The following HMCN2 variants were observed in gnomAD, a reference collection of about 807,000 sequenced individuals.
HMCN2 encodes the protein hemicentin 2.
A neutral mutation model predicts 377.5 loss-of-function variants in HMCN2; 325 were observed. The observed-to-expected ratio is 0.86, with a 90% CI of 0.79 to 0.94. HMCN2 has a LOEUF of 0.94. Among genes scored for constraint, HMCN2 ranks in the 40% least tolerant of loss-of-function variants. The pLI, the probability that HMCN2 is intolerant of heterozygous loss-of-function variation, is 0.00. For missense variants in HMCN2, 4,543 were observed against 4,725.3 expected, an observed-to-expected ratio of 0.96 and a Z score of 1.13; for synonymous variants, 2,007 against 2,046.8, an observed-to-expected ratio of 0.98 and a Z score of 0.53.
intron 23 of HMCN2, chr9:130,338,440 C>T (rs1225895259): frequency 6.6e-6 from 1 of 152,300 alleles, no homozygotes; most frequent in Non-Finnish European, 1.5e-5. Context: ...GCCACAGAGC[C>T]CCTCCTGCTG....
At chr9:130,407,345 G>A (rs572758741) in intron 82 of HMCN2, 203 of 291,266 alleles carry the variant, frequency 7.0e-4, no homozygotes, top group African/African-American at 4.2e-3. Flanking sequence ...GCCCTTGACC[G>A]TTTATCAAAC....
At chr9:130,398,805 C>A in intron 75 of HMCN2, 98 bp downstream of exon 75, 3 of 1,068,112 alleles carry the variant, frequency 2.8e-6, no homozygotes, top group Non-Finnish European at 3.7e-6. Context: ...GCGGGGTGTG[C>A]TCAGGTCTCA....
At chr9:130,288,770 T>C (rs1835561756) in intron 4 of HMCN2, among the ~76,000 whole-genome samples, 1 of 152,158 alleles carries the variant, frequency 6.6e-6, no homozygotes, top group Non-Finnish European at 1.5e-5. Flanking sequence ...CATTTCACTT[T>C]TTTTCAATTG....
chr9:130,384,505 C>T lies in HMCN2; in HGVS notation c.8963C>T (p.Ser2988Phe), dbSNP rs1406128252. 2.3e-6 allele frequency: 3 copies of T among 1,304,170 alleles called. No homozygotes were observed. The highest frequency in any genetic ancestry group is 3.0e-5 in the African/African-American group (2 of 65,862). The allele number at this position is 1,304,170 out of a possible 1,614,324, so 80.8% of individuals were successfully genotyped here. A position where few individuals can be genotyped will look rare whatever the true frequency, so the allele number is the denominator to read the frequency against. Residue 2988 changes from serine to phenylalanine, a missense_variant, in exon 58 of 98, where the codon TCC becomes TTC. Ser to Phe is a radical substitution (Grantham distance 155, BLOSUM62 -2). This residue lies in a region of HMCN2 where 736 missense variants were observed against 773.2 expected (regional missense o/e 0.95). Coordinates refer to ENST00000683500, the MANE Select transcript of HMCN2 (RefSeq NM_001291815.2). ...VTWYKDSQAL[S>F]LGEEVFLLPG... Reference sequence around the variant, plus strand: ...TGGTACAAGGACAGCCAGGCCCTCTCCCTGGGTGAAGAGGTCTTCCTCCTG... The same window carrying T: ...TGGTACAAGGACAGCCAGGCCCTCTTCCTGGGTGAAGAGGTCTTCCTCCTG...
chr9:130,336,488 A>G (rs1838753146), intron 22 of HMCN2, among the ~76,000 whole-genome samples: 2 of 152,090 alleles, frequency 1.3e-5, no homozygotes, highest in South Asian at 2.1e-4. Flanking sequence ...TGATGGCTCT[A>G]TTTTCCAAAA....
intron 85 of HMCN2, among the ~76,000 whole-genome samples, chr9:130,415,238 A>G (rs888638476): frequency 1.3e-5 from 2 of 152,206 alleles, no homozygotes; most frequent in African/African-American, 4.8e-5. Flanking sequence ...ACTGAAACTC[A>G]CTTATCATAC....
At chr9:130,431,989 G>A (rs1243689735) in intron 96 of HMCN2, among the ~76,000 whole-genome samples, 2 of 152,200 alleles carry the variant, frequency 1.3e-5, no homozygotes, top group African/African-American at 2.4e-5. Flanking sequence ...CTAAAGAACA[G>A]GAACCATGCC....
chr9:130,290,879 A>T (rs1835713987), intron 4 of HMCN2, among the ~76,000 whole-genome samples: 2 of 149,796 alleles, frequency 1.3e-5, no homozygotes, highest in South Asian at 4.2e-4. Flanking sequence ...AAAAAAAAAA[A>T]ACAAAAACCC....
In HMCN2 at chr9:130,403,251, T is replaced by C. The variant is rs1588404432; in HGVS notation, c.11936T>C (p.Val3979Ala). Residue 3979 changes from valine (V) to alanine (A), a missense_variant, in exon 79 of 98, where the codon GTG becomes GCG. This residue lies in a region of HMCN2 where 1,073 missense variants were observed against 1,319.5 expected (regional missense o/e 0.81). Coordinates refer to ENST00000683500, the MANE Select transcript of HMCN2 (RefSeq NM_001291815.2). ...SVVRAVAEEEVLLPCEASGIP... is the reference protein window; with the variant it reads ...SVVRAVAEEEALLPCEASGIP... The stretch of plus-strand genomic sequence containing the variant: ...GTTCGGGCAGTGGCAGAGGAGGAGG[T>C]GCTGCTGCCCTGCGAGGCCTCAGGC... The C allele has an allele frequency of 7.8e-7, 1 of 1,289,386 alleles. No homozygotes were observed. Among genetic ancestry groups the C allele is most frequent in the African/African-American group, 1.5e-5 (1 of 65,738 alleles). 79.9% of individuals were successfully genotyped at this position (1,289,386 alleles called of 1,614,324 possible). A position where few individuals can be genotyped will look rare whatever the true frequency, so the allele number is the denominator to read the frequency against.
At chr9:130,374,790 C>A in intron 49 of HMCN2, 97 bp downstream of exon 49, 3 of 513,350 alleles carry the variant, frequency 5.8e-6, no homozygotes, top group Non-Finnish European at 7.5e-6. Flanking sequence ...AACCATTCTA[C>A]TATTTTTCTT....
In HMCN2 at chr9:130,433,785, A is replaced by ACCT; in HGVS notation, c.*92_*93insCCT. Reference sequence around the variant, plus strand: ...CCACGCCACCTGCTGTGGCAAGCGGAGCGTCATCGTCTCCCGCCCCGTGCG... The same window carrying ACCT: ...CCACGCCACCTGCTGTGGCAAGCGGACCTGCGTCATCGTCTCCCGCCCCGTGCG... On this transcript the variant is annotated 3_prime_UTR_variant, in exon 98 of 98. Coordinates refer to ENST00000683500, the MANE Select transcript of HMCN2 (RefSeq NM_001291815.2). 1 of 1,057,888 alleles carries ACCT rather than the reference A, an allele frequency of 9.5e-7. No individual in the cohort carries two copies. Among genetic ancestry groups the ACCT allele is most frequent in the Non-Finnish European group, 1.3e-6 (1 of 774,296 alleles). 65.5% of individuals were successfully genotyped at this position (1,057,888 alleles called of 1,614,324 possible).
chr9:130,329,439 CTTT>C (rs869081836), intron 22 of HMCN2, among the ~76,000 whole-genome samples: 3 of 105,810 alleles, frequency 2.8e-5, no homozygotes, highest in Admixed American at 1.1e-4. Context: ...AATAGCCTCA[CTTT>C]TTTTTTTTTT....
intron 48 of HMCN2, among the ~76,000 whole-genome samples, chr9:130,373,793 A>ATAGATGGATAGGTAGGTGGATGGG (rs1841214020): frequency 2.7e-5 from 4 of 149,438 alleles, no homozygotes; most frequent in Non-Finnish European, 5.9e-5. Context: ...AGGTGGATGG[A>ATAGATGGATAGGTAGGTGGATGGG]TAGATGGATA....
In HMCN2 at chr9:130,356,154, A is replaced by G; in HGVS notation, c.5322A>G (p.Thr1774=). 1 of 1,302,832 alleles carries G rather than the reference A, an allele frequency of 7.7e-7. No individual in the cohort carries two copies. Among genetic ancestry groups the G allele is most frequent in the Non-Finnish European group, 1.0e-6 (1 of 988,810 alleles). 80.7% of individuals were successfully genotyped at this position (1,302,832 alleles called of 1,614,324 possible). The change falls in exon 34 of 98, where the codon ACA becomes ACG. Residue 1774 remains threonine (T), a synonymous_variant. Coordinates refer to ENST00000683500, the MANE Select transcript of HMCN2 (RefSeq NM_001291815.2). ...TGCAGGTGGCCTCGCAGGGGACCAC[A>G]CTGCACATTGACCATGTGGAGCTGG... The part of the protein sequence containing the change: ...AGVQVASQGT[T]LHIDHVELDH...
intron 36 of HMCN2, among the ~76,000 whole-genome samples, chr9:130,358,742 C>T (rs975854982): frequency 2.6e-5 from 4 of 151,688 alleles, no homozygotes; most frequent in Non-Finnish European, 4.4e-5. Context: ...GGCACTATCT[C>T]GGCTCACCGC....
intron 7 of HMCN2, among the ~76,000 whole-genome samples, chr9:130,297,012 A>G (rs1337551577): frequency 6.6e-6 from 1 of 152,172 alleles, no homozygotes; most frequent in African/African-American, 2.4e-5. Flanking sequence ...CCCAAGTGAC[A>G]TTGTGACATT....
intron 6 of HMCN2, among the ~76,000 whole-genome samples, chr9:130,295,982 G>A (rs944708799): frequency 6.6e-6 from 1 of 152,206 alleles, no homozygotes; most frequent in Non-Finnish European, 1.5e-5. Context: ...GTGGTTTGGG[G>A]TTACTTTGGG....
rs974251516 is a variant in HMCN2, at chr9:130,393,011, A to G, written c.10137-201A>G. Among the ~76,000 whole-genome samples, 2 of 152,062 alleles carry G rather than the reference A, an allele frequency of 1.3e-5. 1 individual carries two copies. On this transcript the variant is annotated intron_variant, in intron 66 of 97. Transcript: ENST00000683500. The surrounding 1 kb of genome is among the most constrained non-coding windows in gnomAD (Gnocchi z 5.2). ...ACACCATCTCACCATCTCAAAAAAA[A>G]AAAAGAAAAAGAGAGAGTTTAAGCA... is the stretch of plus-strand genomic sequence containing the variant.
rs568692982 is a variant in HMCN2, at chr9:130,407,638, G to A, written c.12621G>A (p.Gly4207=). The change falls in exon 83 of 98, where the codon GGG becomes GGA. Residue 4207 remains glycine, a synonymous_variant. Coordinates refer to ENST00000683500, the MANE Select transcript of HMCN2 (RefSeq NM_001291815.2). The part of the protein sequence containing the change: ...QRAAVSREDS[G]TYVCWAENRV... ...CCGCTGTCTCCAGAGAAGACAGCGG[G>A]ACCTATGTCTGCTGGGCGGAGAACA... 1.2e-5 allele frequency: 15 copies of A among 1,285,854 alleles called. No individual in the cohort carries two copies. In the African/African-American group the frequency reaches 2.3e-4, roughly 20 times the overall value. The allele number at this position is 1,285,854 out of a possible 1,614,324, so 79.7% of individuals were successfully genotyped here. A position where few individuals can be genotyped will look rare whatever the true frequency, so the allele number is the denominator to read the frequency against.
Sources: allele counts gnomAD v4.1 joint callset (sites outside exome capture counted in the v4.1 genomes callset), GRCh38; gene constraint gnomAD v4.1.1; regional missense constraint gnomAD v4.1.1; non-coding constraint Gnocchi (gnomAD v3.1); transcripts MANE v1.5; gene names NCBI Gene and HGNC (gene_info 2026-07-23, HGNC 2026-07-21).